Variants in XRCC5 observed in about 807,000 individuals in gnomAD.
XRCC5 encodes the protein DNA repair protein Ku80.
A neutral mutation model predicts 95.7 loss-of-function variants in XRCC5; 12 were observed. That is an observed-to-expected ratio of 0.13 (90% CI 0.08 to 0.20). XRCC5 has a LOEUF of 0.20. Ranked by LOEUF, XRCC5 falls within the 10% of genes least tolerant of loss-of-function variation. The pLI, the probability that XRCC5 is intolerant of heterozygous loss-of-function variation, is 1.00. For missense variants in XRCC5, 595 were observed against 873.9 expected (o/e 0.68, Z 4.02); for synonymous variants, 281 against 290.3 (o/e 0.97, Z 0.33).
At chr2:216,164,958 TGGCCATG>T (rs1689027196) in intron 16 of XRCC5, among the ~76,000 whole-genome samples, 1 of 152,150 alleles carries the variant, frequency 6.6e-6, no homozygotes, top group South Asian at 2.1e-4. Flanking sequence ...GTCTTACCCC[TGGCCATG>T]GGATTGGGGA....
rs1324157714 is a variant in XRCC5, at chr2:216,194,998, T to TA, written c.2109+15dup. 8.1e-6 allele frequency: 13 copies of TA among 1,613,058 alleles called. No individual in the cohort carries two copies. The African/African-American group carries it at 1.5e-4, about 18-fold the overall frequency. On this transcript the variant is annotated intron_variant, in intron 19 of 20. Coordinates refer to ENST00000392132, the MANE Select transcript of XRCC5 (RefSeq NM_021141.4). ...AGGAAGCCAAAAAGGTATTGAGGGG[T>TA]AAACCTTTGTCTTTAGTTGAATTAT...
chr2:216,116,271 CT>C (rs201052811), intron 2 of XRCC5, among the ~76,000 whole-genome samples: 47 of 148,414 alleles, frequency 3.2e-4, no homozygotes, highest in African/African-American at 7.1e-4. Flanking sequence ...CTATCCTGCA[CT>C]TTTTTTTTTA....
intron 8 of XRCC5, among the ~76,000 whole-genome samples, chr2:216,129,507 T>TA (rs1169554955): frequency 6.6e-6 from 1 of 152,224 alleles, no homozygotes; most frequent in Non-Finnish European, 1.5e-5. Flanking sequence ...CATTACAAGT[T>TA]ACACAATTCA....
At chr2:216,203,830 A>C (rs992899233) in intron 19 of XRCC5, among the ~76,000 whole-genome samples, 1 of 148,324 alleles carries the variant, frequency 6.7e-6, no homozygotes, top group Non-Finnish European at 1.5e-5. Flanking sequence ...GTGGAATTTA[A>C]GAGTAGATTA....
intron 19 of XRCC5, among the ~76,000 whole-genome samples, chr2:216,195,399 T>TTC (rs1218755888): frequency 4.0e-5 from 6 of 150,810 alleles, no homozygotes; most frequent in Admixed American, 2.0e-4. Context: ...TCTCTTTCTT[T>TTC]TCTCTCTCTC....
At chr2:216,192,848 G>A in intron 18 of XRCC5, 113 bp downstream of exon 18, 1 of 719,304 alleles carries the variant, frequency 1.4e-6, no homozygotes, top group South Asian at 3.3e-5. Flanking sequence ...AATGAGTTAT[G>A]TGGGAAACAT....
intron 16 of XRCC5, among the ~76,000 whole-genome samples, chr2:216,185,971 G>C (rs1689485709): frequency 6.6e-6 from 1 of 152,144 alleles, no homozygotes; most frequent in Non-Finnish European, 1.5e-5. Flanking sequence ...GCTGACATTT[G>C]CAAAATGTAC....
At chr2:216,120,351 T>C (rs1259826797) in intron 5 of XRCC5, among the ~76,000 whole-genome samples, 3 of 152,352 alleles carry the variant, frequency 2.0e-5, no homozygotes, top group Non-Finnish European at 4.4e-5. Context: ...CCATGAGCAA[T>C]ACAGAAAAGT....
chr2:216,183,970 T>G (rs1689441175), intron 16 of XRCC5, among the ~76,000 whole-genome samples: 1 of 152,036 alleles, frequency 6.6e-6, no homozygotes, highest in African/African-American at 2.4e-5. Context: ...AAGAGCACTC[T>G]TCAGTCCGAA....
At chr2:216,120,843 C>T (rs1456888762) in intron 5 of XRCC5, among the ~76,000 whole-genome samples, 5 of 152,202 alleles carry the variant, frequency 3.3e-5, no homozygotes, top group African/African-American at 1.2e-4. Context: ...TCAAGCAGTT[C>T]TCCTATCTCA....
Position 216,113,102 on chromosome 2 carries a change from G to A in XRCC5, c.108G>A (p.Lys36=), listed in dbSNP as rs1020875534. The A allele has an allele frequency of 6.2e-7, 1 of 1,614,034 alleles. No homozygotes were observed. The highest frequency in any genetic ancestry group is 8.5e-7 in the Non-Finnish European group (1 of 1,179,930). The change falls in exon 2 of 21, where the codon AAG becomes AAA. Residue 36 remains lysine (K), a synonymous_variant. Transcript: ENST00000392132. ...GIESPFEQAK[K]VITMFVQRQV... is the part of the protein sequence containing the mutation. Reference sequence around the variant, plus strand: ...AATCCCCATTTGAACAAGCAAAGAAGGTGATAACCATGTTTGTACAGCGAC... The same window carrying A: ...AATCCCCATTTGAACAAGCAAAGAAAGTGATAACCATGTTTGTACAGCGAC...
At chr2:216,158,086 CCTT>C (rs1359843218) in intron 14 of XRCC5, among the ~76,000 whole-genome samples, 1 of 152,122 alleles carries the variant, frequency 6.6e-6, no homozygotes, top group African/African-American at 2.4e-5. Context: ...GTCTGTTTAC[CCTT>C]CTTTCCCTAG....
At chr2:216,175,369 A>G (rs1337620339) in intron 16 of XRCC5, 1 of 485,372 alleles carries the variant, frequency 2.1e-6, no homozygotes, top group Non-Finnish European at 4.0e-6. Context: ...TTCCTCCACA[A>G]CCCATAAAGT....
intron 16 of XRCC5, among the ~76,000 whole-genome samples, chr2:216,180,820 T>TG (rs1689371860): frequency 6.6e-6 from 1 of 151,734 alleles, no homozygotes; most frequent in African/African-American, 2.4e-5. Flanking sequence ...ATCTTTTTTT[T>TG]TTTTTTTCCG....
intron 16 of XRCC5, among the ~76,000 whole-genome samples, chr2:216,182,027 T>C (rs1689398519): frequency 6.6e-6 from 1 of 152,200 alleles, no homozygotes; most frequent in Non-Finnish European, 1.5e-5. Context: ...ACATAGAATG[T>C]GGTCTTTCTA....
At position 216,119,086 on chromosome 2, in the gene XRCC5, C is replaced by A; in HGVS notation, c.412C>A (p.Leu138Ile). Residue 138 changes from leucine (L) to isoleucine (I), a missense_variant, in exon 5 of 21, where the codon CTC becomes ATC. Leu to Ile is a conservative substitution (Grantham distance 5, BLOSUM62 2). This residue lies in a region of XRCC5 where 286 missense variants were observed against 491.1 expected (regional missense o/e 0.58). Transcript: ENST00000392132. ...EKRHIEIFTDLSSRFSKSQLD... is the reference protein window; with the variant it reads ...EKRHIEIFTDISSRFSKSQLD... ...GAGGCATATTGAAATATTCACTGAC[C>A]TCAGCAGCCGATTCAGCAAAAGTCA... 5.0e-6 allele frequency: 8 copies of A among 1,614,060 alleles called. No individual in the cohort carries two copies. Among genetic ancestry groups the A allele is most frequent in the Non-Finnish European group, 6.8e-6 (8 of 1,179,958 alleles).
chr2:216,160,159 T>C lies in XRCC5; in HGVS notation c.1762T>C (p.Ser588Pro). 6.2e-7 allele frequency: 1 copy of C among 1,602,164 alleles called. No individual in the cohort carries two copies. Among genetic ancestry groups the C allele is most frequent in the Non-Finnish European group, 8.5e-7 (1 of 1,173,892 alleles). ...VSSLAEGSVT[S>P]VGSVNPAENF... ...CAGTCTGGCTGAAGGCAGTGTCACC[T>C]CTGTAAGCTAAGCTTTTCAAGTGCG... Residue 588 changes from serine (S) to proline (P), a missense_variant and splice_region_variant, in exon 15 of 21, where the codon TCT becomes CCT. This residue lies in a region of XRCC5 where 309 missense variants were observed against 382.9 expected (regional missense o/e 0.81). Coordinates refer to ENST00000392132, the MANE Select transcript of XRCC5 (RefSeq NM_021141.4).
intron 16 of XRCC5, among the ~76,000 whole-genome samples, chr2:216,177,768 T>A (rs574887833): frequency 7.2e-4 from 109 of 152,370 alleles, no homozygotes; most frequent in African/African-American, 2.5e-3. Flanking sequence ...GTATTTATTT[T>A]GTTTGAATCC....
Position 216,138,090 on chromosome 2 carries a change from G to A in XRCC5, c.1253G>A (p.Cys418Tyr). The change falls in exon 12 of 21, where the codon TGT becomes TAT. Residue 418 changes from cysteine (C) to tyrosine (Y), a missense_variant and splice_region_variant. By Grantham distance (194) the Cys-to-Tyr change is radical (BLOSUM62 -2). Coordinates refer to ENST00000392132, the MANE Select transcript of XRCC5 (RefSeq NM_021141.4). ...AFPHIKHNYE[C>Y]LVYVQLPFME... ...TTTACCCCCTTTCTTTCTCATTAGT[G>A]TTTAGTGTATGTGCAGCTGCCTTTC... is the stretch of plus-strand genomic sequence containing the variant. 6.2e-7 allele frequency: 1 copy of A among 1,611,386 alleles called. No homozygotes were observed. The highest frequency in any genetic ancestry group is 8.5e-7 in the Non-Finnish European group (1 of 1,178,840).
Sources: gnomAD v4.1 joint callset for allele counts (sites outside exome capture counted in the v4.1 genomes callset) on GRCh38, gnomAD v4.1.1 for gene constraint, gnomAD v4.1.1 regional missense constraint, MANE v1.5 for transcripts, NCBI Gene and HGNC (gene_info 2026-07-23, HGNC 2026-07-21) for gene names.